Variants in NRG3 observed in about 807,000 individuals in gnomAD.
NRG3 encodes neuregulin 3.
NRG3 carries 31 observed loss-of-function variants against 66.9 expected under a neutral mutation model. The ratio of observed to expected loss-of-function variants is 0.46; its 90% CI spans 0.35 to 0.63. The LOEUF (loss-of-function observed/expected upper bound fraction) is 0.63. Ranked by LOEUF, NRG3 falls within the 20% of genes least tolerant of loss-of-function variation. The pLI is 0.00. For missense variants in NRG3, 910 were observed against 878.9 expected, an observed-to-expected ratio of 1.04 and a Z score of -0.45; for synonymous variants, 393 against 359.4, an observed-to-expected ratio of 1.09 and a Z score of -1.06.
intron 2 of NRG3, among the ~76,000 whole-genome samples, chr10:82,679,451 A>AT (rs200704930): frequency 0.01 from 1,544 of 152,358 alleles, 24 homozygotes; most frequent in African/African-American, 0.034. Context: ...ATATAATAAT[A>AT]TAATAGTTAA....
intron 1 of NRG3, among the ~76,000 whole-genome samples, chr10:82,023,892 C>T (rs1295501134): frequency 1.3e-5 from 2 of 152,098 alleles, no homozygotes; most frequent in Middle Eastern, 3.4e-3. Context: ...TTCCCCTTCT[C>T]TTCAACTTTT....
At chr10:82,429,362 T>A (rs1379199098) in intron 2 of NRG3, among the ~76,000 whole-genome samples, 9 of 152,088 alleles carry the variant, frequency 5.9e-5, no homozygotes, top group Non-Finnish European at 1.0e-4. Flanking sequence ...TAGGTTGTAA[T>A]TTTTTCTTAA....
intron 2 of NRG3, among the ~76,000 whole-genome samples, chr10:82,476,451 T>C (rs1841791924): frequency 6.6e-6 from 1 of 152,156 alleles, no homozygotes; most frequent in African/African-American, 2.4e-5. Flanking sequence ...GTGAAGTCAA[T>C]CCAAGAGTCC....
chr10:82,126,239 T>TA, intron 1 of NRG3, among the ~76,000 whole-genome samples: 1 of 152,156 alleles, frequency 6.6e-6, no homozygotes, highest in South Asian at 2.1e-4. Context: ...AGGTTGTTAT[T>TA]ACCACTTAGG....
chr10:81,952,064 T>C (rs1056371875), intron 1 of NRG3, among the ~76,000 whole-genome samples: 2 of 151,748 alleles, frequency 1.3e-5, no homozygotes, highest in Non-Finnish European at 2.9e-5. Context: ...CAGGTGGGAA[T>C]TGAACATCAC....
chr10:82,804,528 G>A (rs570694799), intron 3 of NRG3, among the ~76,000 whole-genome samples: 1 of 152,274 alleles, frequency 6.6e-6, no homozygotes, highest in African/African-American at 2.4e-5. Context: ...ACTATAGTAA[G>A]TGCTCAATAA....
chr10:82,573,784 C>T (rs2045879920), intron 2 of NRG3, among the ~76,000 whole-genome samples: 1 of 151,760 alleles, frequency 6.6e-6, no homozygotes, highest in South Asian at 2.1e-4. Context: ...AAAATGGAAG[C>T]ACTTTTGAGG....
At chr10:82,538,123 G>A (rs925175783) in intron 2 of NRG3, among the ~76,000 whole-genome samples, 9 of 152,116 alleles carry the variant, frequency 5.9e-5, no homozygotes, top group Non-Finnish European at 1.3e-4. Context: ...AGGTCTCTGT[G>A]CCCCAGATGT....
intron 3 of NRG3, among the ~76,000 whole-genome samples, chr10:82,779,342 T>C (rs2060029007): frequency 6.6e-6 from 1 of 152,134 alleles, no homozygotes; most frequent in South Asian, 2.1e-4. Context: ...GCTGGGGGCA[T>C]GAGTGGCAGA....
intron 1 of NRG3, among the ~76,000 whole-genome samples, chr10:82,211,175 C>T (rs1314545289): frequency 6.6e-6 from 1 of 152,082 alleles, no homozygotes; most frequent in Non-Finnish European, 1.5e-5. Context: ...GGCATCTTTT[C>T]AAAGTCTCAT....
At chr10:82,262,029 A>G (rs1589509581) in intron 1 of NRG3, among the ~76,000 whole-genome samples, 1 of 152,070 alleles carries the variant, frequency 6.6e-6, no homozygotes, top group East Asian at 1.9e-4. Flanking sequence ...TTTGCCTTCC[A>G]CCATAATTGG....
chr10:82,591,562 T>C (rs1394119338), intron 2 of NRG3, among the ~76,000 whole-genome samples: 3 of 152,238 alleles, frequency 2.0e-5, no homozygotes, highest in African/African-American at 7.2e-5. Flanking sequence ...TTTAAATATG[T>C]CAAGGTCTTA....
Position 81,875,489 on chromosome 10 carries a change from G to A in NRG3, c.149G>A (p.Arg50Gln), listed in dbSNP as rs1361438131. ...GGGEGAAEPP[R>Q]ELRCSDCIVW... ...GGCGAAGGGGCGGCCGAGCCCCCCC[G>A]GGAGTTACGCTGTAGCGACTGCATC... Residue 50 changes from arginine (R) to glutamine (Q), a missense_variant, in exon 1 of 9, where the codon CGG (arginine) becomes CAG (glutamine). Transcript: ENST00000372141. This position sits in a 1 kb window ranked among gnomAD's most constrained non-coding sequence, Gnocchi z 5.3. 1 of 1,498,876 alleles carries A rather than the reference G, an allele frequency of 6.7e-7. No homozygotes were observed. Among genetic ancestry groups the A allele is most frequent in the South Asian group, 1.3e-5 (1 of 74,414 alleles). 92.8% of individuals were successfully genotyped at this position (1,498,876 alleles called of 1,614,324 possible). A position where few individuals can be genotyped will look rare whatever the true frequency, so the allele number is the denominator to read the frequency against.
At chr10:82,948,760 G>C (rs1849255198) in intron 4 of NRG3, among the ~76,000 whole-genome samples, 1 of 151,904 alleles carries the variant, frequency 6.6e-6, no homozygotes, top group South Asian at 2.1e-4. Flanking sequence ...CTATAACCTT[G>C]TATCCTGAAA....
intron 2 of NRG3, among the ~76,000 whole-genome samples, chr10:82,646,652 G>C (rs1211638464): frequency 6.6e-6 from 1 of 152,162 alleles, no homozygotes; most frequent in African/African-American, 2.4e-5. Flanking sequence ...ATAGGGAAGA[G>C]AGTCTATTGT....
At chr10:82,463,483 G>A (rs184825529) in intron 2 of NRG3, among the ~76,000 whole-genome samples, 41 of 152,266 alleles carry the variant, frequency 2.7e-4, no homozygotes, top group Admixed American at 7.2e-4. Context: ...TGGAAGGGGC[G>A]TTGTATTTAG....
At chr10:82,875,591 C>T (rs1841745711) in intron 4 of NRG3, among the ~76,000 whole-genome samples, 1 of 152,132 alleles carries the variant, frequency 6.6e-6, no homozygotes, top group Non-Finnish European at 1.5e-5. Flanking sequence ...CTCCTGTGCT[C>T]AAGAGATTTT....
At chr10:82,334,567 T>C (rs898971678) in intron 1 of NRG3, among the ~76,000 whole-genome samples, 3 of 152,210 alleles carry the variant, frequency 2.0e-5, no homozygotes, top group Admixed American at 2.0e-4. Context: ...TGAGTGATTT[T>C]ATAAAGAAAA....
At chr10:82,451,073 C>T (rs112176285) in intron 2 of NRG3, among the ~76,000 whole-genome samples, 203 of 152,300 alleles carry the variant, frequency 1.3e-3, no homozygotes, top group African/African-American at 4.7e-3. Flanking sequence ...GTAAGCAGTT[C>T]TGTCCCTCTG....
Sources: allele counts gnomAD v4.1 joint callset (sites outside exome capture counted in the v4.1 genomes callset), GRCh38; gene constraint gnomAD v4.1.1; non-coding constraint Gnocchi (gnomAD v3.1); transcripts MANE v1.5; gene names NCBI Gene and HGNC (gene_info 2026-07-23, HGNC 2026-07-21).